The following DAP3 variants were observed in gnomAD, a reference collection of about 807,000 sequenced individuals.
DAP3 encodes small ribosomal subunit protein mS29.
DAP3 carries 28 observed loss-of-function variants against 51.9 expected under a neutral mutation model. The ratio of observed to expected loss-of-function variants is 0.54; its 90% CI spans 0.40 to 0.74. DAP3 has a LOEUF of 0.74. DAP3 is among the 30% of genes least tolerant of loss of function. The probability of loss-of-function intolerance (pLI) is 0.00; values close to 1 mark genes in which losing one functional copy is unlikely to be tolerated. For synonymous variants in DAP3, 170 were observed against 170.3 expected (o/e 1.00, Z 0.01); for missense variants, 458 against 483.5 (o/e 0.95, Z 0.49).
chr1:155,688,719 G>A, upstream of DAP3: 1 of 1,053,238 alleles, frequency 9.5e-7, no homozygotes, highest in Non-Finnish European at 1.3e-6. Flanking sequence ...CTCCCTCCCC[G>A]CCCGCACGGC....
At chr1:155,715,401 A>T (rs911192091) in intron 2 of DAP3, among the ~76,000 whole-genome samples, 14 of 152,170 alleles carry the variant, frequency 9.2e-5, no homozygotes, top group African/African-American at 3.4e-4. Flanking sequence ...ATGCACCTGT[A>T]GTCCCAGCTA....
At chr1:155,702,341 C>A (rs561523464) in intron 1 of DAP3, among the ~76,000 whole-genome samples, 113 of 151,930 alleles carry the variant, frequency 7.4e-4, no homozygotes, top group African/African-American at 2.6e-3. Context: ...GGCATGGTGG[C>A]GGGTGCCTGT....
At chr1:155,690,655 A>G (rs1190971791) in intron 1 of DAP3, among the ~76,000 whole-genome samples, 2 of 142,514 alleles carry the variant, frequency 1.4e-5, no homozygotes, top group East Asian at 3.9e-4. Context: ...TACCATGGTC[A>G]TATGTATGTA....
At chr1:155,696,935 G>A (rs1654591170) in intron 1 of DAP3, among the ~76,000 whole-genome samples, 1 of 152,152 alleles carries the variant, frequency 6.6e-6, no homozygotes, top group Non-Finnish European at 1.5e-5. Context: ...GTGGGGGATG[G>A]GAGCCCTGGT....
At chr1:155,705,405 T>C (rs1655824516) in intron 1 of DAP3, among the ~76,000 whole-genome samples, 1 of 151,782 alleles carries the variant, frequency 6.6e-6, no homozygotes, top group African/African-American at 2.4e-5. Context: ...AAGACCATCC[T>C]GGGCACCATA....
chr1:155,739,007 T>TAAATAAATAAATAAA (rs1280668139), exon 13 of DAP3: 1 of 106,090 alleles, frequency 9.4e-6, no homozygotes, highest in South Asian at 3.3e-4. Context: ...AAATAAATAA[T>TAAATAAATAAATAAA]AAATGTATAC....
intron 9 of DAP3, 69 bp from the exon 10 acceptor site, chr1:155,731,287 C>T: frequency 1.4e-6 from 2 of 1,472,296 alleles, no homozygotes; most frequent in Admixed American, 1.8e-5. Context: ...AAATTGTTGT[C>T]AATTGTTTCG....
At chr1:155,700,778 G>A (rs1224016319) in intron 1 of DAP3, among the ~76,000 whole-genome samples, 16 of 140,650 alleles carry the variant, frequency 1.1e-4, no homozygotes, top group African/African-American at 1.3e-4. Context: ...CAGCCGCGCC[G>A]TCTGGGAGGT....
At chr1:155,705,175 A>G (rs1050313412) in intron 1 of DAP3, among the ~76,000 whole-genome samples, 6 of 151,800 alleles carry the variant, frequency 4.0e-5, no homozygotes, top group Admixed American at 1.3e-4. Context: ...AATTCCAGCT[A>G]CTTGGGAGGC....
intron 1 of DAP3, among the ~76,000 whole-genome samples, chr1:155,700,357 A>G (rs1351065428): frequency 6.6e-6 from 1 of 152,254 alleles, no homozygotes; most frequent in Non-Finnish European, 1.5e-5. Flanking sequence ...ACTTGATGGT[A>G]TCCCTTGAAG....
upstream of DAP3, chr1:155,688,446 T>C (rs968348515): frequency 7.4e-5 from 114 of 1,548,712 alleles, no homozygotes; most frequent in Non-Finnish European, 9.7e-5. Context: ...GGTCCCCCGC[T>C]TCGCCCGACT....
chr1:155,691,064 C>A lies in DAP3; in HGVS notation c.-8+1890C>A, dbSNP rs369436312. ...CTGGGACTACAGGCACCCGCCACCA[C>A]GTCCAGCTAATTTTTTGTATTTTTA... On this transcript the variant is annotated intron_variant, in intron 1 of 12. Transcript: ENST00000368336. Among the ~76,000 whole-genome samples the A allele has an allele frequency of 5.6e-5, 8 of 141,886 alleles. 3 individuals are homozygous for A. Among genetic ancestry groups the A allele is most frequent in the African/African-American group, 2.6e-4 (8 of 31,338 alleles). 93.1% of individuals were successfully genotyped at this position (141,886 alleles called of 152,430 possible).
chr1:155,718,002 G>T (rs1199630248), intron 3 of DAP3, among the ~76,000 whole-genome samples: 1 of 152,148 alleles, frequency 6.6e-6, no homozygotes, highest in African/African-American at 2.4e-5. Context: ...TACCCTCTGA[G>T]TCTTCCCATC....
At chr1:155,733,444 C>T (rs1000351271) in intron 11 of DAP3, among the ~76,000 whole-genome samples, 17 of 152,146 alleles carry the variant, frequency 1.1e-4, no homozygotes, top group African/African-American at 2.2e-4. Flanking sequence ...ATGGAGCCTC[C>T]GCAGCTGGTA....
At chr1:155,708,563 A>G (rs1656287605) in intron 1 of DAP3, among the ~76,000 whole-genome samples, 1 of 121,102 alleles carries the variant, frequency 8.3e-6, no homozygotes, top group Non-Finnish European at 1.7e-5. Flanking sequence ...TTTTTTTGAG[A>G]CAGAGTCTCA....
intron 6 of DAP3, 89 bp downstream of exon 6, chr1:155,726,108 C>CT: frequency 5.5e-6 from 5 of 901,984 alleles, no homozygotes; most frequent in East Asian, 6.4e-5. Context: ...CTTTTCTTTT[C>CT]TTTTCTTTTT....
upstream of DAP3, chr1:155,688,683 T>C: frequency 2.6e-6 from 4 of 1,529,562 alleles, no homozygotes; most frequent in South Asian, 2.4e-5. Flanking sequence ...GCCCAAGCCT[T>C]CTCCACCTCC....
At chr1:155,718,696 AAAG>A (rs1294271678) in intron 3 of DAP3, among the ~76,000 whole-genome samples, 2,117 of 139,014 alleles carry the variant, frequency 0.015, 56 homozygotes, top group African/African-American at 0.053. Context: ...AAAAAAAAAA[AAAG>A]AAAGAAAGAT....
chr1:155,690,801 GCAGTCCTGGCT>G (rs1472538299), intron 1 of DAP3, among the ~76,000 whole-genome samples: 1 of 142,168 alleles, frequency 7.0e-6, no homozygotes, highest in Non-Finnish European at 1.5e-5. Context: ...AGGCAGTAGT[GCAGTCCTGGCT>G]CACTGCAACC....
Sources: gnomAD v4.1 joint callset for allele counts (sites outside exome capture counted in the v4.1 genomes callset) on GRCh38, gnomAD v4.1.1 for gene constraint, MANE v1.5 for transcripts, NCBI Gene and HGNC (gene_info 2026-07-23, HGNC 2026-07-21) for gene names.